The following CLUAP1 variants were observed in gnomAD, a reference collection of about 807,000 sequenced individuals.
CLUAP1 encodes clusterin-associated protein 1.
Under a neutral mutation model 55.0 loss-of-function variants are expected in CLUAP1, and 50 were observed. That is an observed-to-expected ratio of 0.91 (90% CI 0.72 to 1.15). The LOEUF is 1.15. CLUAP1 is among the 50% of genes most tolerant of loss of function. The probability of loss-of-function intolerance (pLI) is 0.00; values close to 1 mark genes in which losing one functional copy is unlikely to be tolerated. For missense variants in CLUAP1, 530 were observed against 507.6 expected (o/e 1.04, Z -0.42); for synonymous variants, 195 against 175.4 (o/e 1.11, Z -0.88).
chr16:3,526,401 C>G lies in CLUAP1; in HGVS notation c.856-11C>G, dbSNP rs745695530. 1 of 1,585,894 alleles carries G rather than the reference C, an allele frequency of 6.3e-7. No individual in the cohort carries two copies. The highest frequency in any genetic ancestry group is 2.3e-5 in the East Asian group (1 of 43,580). On this transcript the variant is annotated splice_polypyrimidine_tract_variant and intron_variant, in intron 8 of 11. Transcript: ENST00000576634. ...GCCATCTCTCCTGAGTCTGTATTTC[C>G]TCTTCCACAGGAAGCTAAAAACACT...
upstream of CLUAP1, chr16:3,500,940 T>C (rs927680149): frequency 1.5e-5 from 16 of 1,034,074 alleles, no homozygotes; most frequent in Non-Finnish European, 1.7e-5. Flanking sequence ...TTCGCTTCGC[T>C]TTTTGTTTGT....
intron 11 of CLUAP1, chr16:3,533,231 A>G: frequency 2.6e-6 from 3 of 1,153,746 alleles, no homozygotes; most frequent in African/African-American, 1.5e-5. Flanking sequence ...GCCTCTCCCT[A>G]GGAGTGATGC....
intron 4 of CLUAP1, 82 bp from the exon 5 acceptor site, chr16:3,512,301 G>A: frequency 1.9e-6 from 2 of 1,052,394 alleles, no homozygotes; most frequent in East Asian, 4.8e-5. Context: ...TTAGAGAGCA[G>A]CCTGGGTAAC....
chr16:3,509,214 G>A (rs1037651963), intron 4 of CLUAP1, among the ~76,000 whole-genome samples: 1 of 152,148 alleles, frequency 6.6e-6, no homozygotes, highest in Non-Finnish European at 1.5e-5. Flanking sequence ...ATGGCACTGC[G>A]CTCCCGCCTA....
At chr16:3,531,720 C>G (rs184104607) in intron 10 of CLUAP1, among the ~76,000 whole-genome samples, 1 of 152,222 alleles carries the variant, frequency 6.6e-6, no homozygotes, top group Non-Finnish European at 1.5e-5. Flanking sequence ...ACAAAGATCA[C>G]CTGAAAAAAA....
At chr16:3,498,505 A>G (rs1280616262), upstream of CLUAP1, among the ~76,000 whole-genome samples, 1 of 152,134 alleles carries the variant, frequency 6.6e-6, no homozygotes, top group African/African-American at 2.4e-5. Flanking sequence ...TGGAAAAGCA[A>G]ATCTTCAGAA....
chr16:3,536,192 G>A lies in CLUAP1; in HGVS notation c.1163G>A (p.Ser388Asn), dbSNP rs578075720. The A allele has an allele frequency of 1.9e-6, 3 of 1,614,148 alleles. No homozygotes were observed. The highest frequency in any genetic ancestry group is 2.5e-6 in the Non-Finnish European group (3 of 1,180,030). ...GAGGATGACGATTTGGAAGACGAGAGCATTTCTCTCTCACCAACCAAGCCC... is the reference window on the plus strand; with the variant it reads ...GAGGATGACGATTTGGAAGACGAGAACATTTCTCTCTCACCAACCAAGCCC... ...DDEDDDLEDE[S>N]ISLSPTKPNR... is the part of the protein sequence containing the mutation. The change falls in exon 12 of 12, where the codon AGC (serine) becomes AAC (asparagine). Residue 388 changes from serine to asparagine, a missense_variant. Ser to Asn is a conservative substitution (Grantham distance 46). Transcript: ENST00000576634.
intron 10 of CLUAP1, among the ~76,000 whole-genome samples, chr16:3,532,395 C>T (rs1432061204): frequency 7.2e-6 from 1 of 139,616 alleles, no homozygotes; most frequent in Non-Finnish European, 1.5e-5. Flanking sequence ...ATGTTTGGAG[C>T]ACAGTTGCTT....
chr16:3,507,649 A>C (rs2151044124), intron 3 of CLUAP1, among the ~76,000 whole-genome samples: 1 of 150,866 alleles, frequency 6.6e-6, no homozygotes, highest in South Asian at 2.1e-4. Context: ...TTCCATTCCA[A>C]ATAACCACTA....
chr16:3,520,991 CT>C (rs1308702160), intron 7 of CLUAP1, among the ~76,000 whole-genome samples: 2 of 151,960 alleles, frequency 1.3e-5, no homozygotes. Context: ...GATGTTTTGC[CT>C]TTTTGGATGT....
intron 1 of CLUAP1, among the ~76,000 whole-genome samples, chr16:3,502,442 TAAA>T (rs74268721): frequency 3.1e-5 from 4 of 129,946 alleles, no homozygotes; most frequent in African/African-American, 2.8e-5. Flanking sequence ...AGACTGTCTT[TAAA>T]AAAAAAAAAA....
At chr16:3,504,649 G>A (rs2037467677) in intron 1 of CLUAP1, 71 bp from the exon 2 acceptor site, 1 of 882,274 alleles carries the variant, frequency 1.1e-6, no homozygotes, top group Admixed American at 1.8e-5. Flanking sequence ...GAAAAGTAAA[G>A]ACAATATCTA....
chr16:3,528,941 T>A (rs2038001782), intron 9 of CLUAP1, among the ~76,000 whole-genome samples: 1 of 152,146 alleles, frequency 6.6e-6, no homozygotes, highest in Non-Finnish European at 1.5e-5. Context: ...TGCATTAATG[T>A]CTTAGTCTGT....
chr16:3,496,170 T>C (rs967105686), upstream of CLUAP1: 3 of 495,852 alleles, frequency 6.1e-6, no homozygotes, highest in Non-Finnish European at 1.2e-5. Context: ...ACATTCATCT[T>C]TCCGGACCTG....
chr16:3,506,513 C>T (rs946678302), intron 3 of CLUAP1, 98 bp downstream of exon 3: 10 of 1,003,594 alleles, frequency 1.0e-5, no homozygotes, highest in Non-Finnish European at 1.6e-5. Context: ...TTGAGTTTTT[C>T]TTTCTTTTTT....
chr16:3,511,803 A>T (rs968256221), intron 4 of CLUAP1, among the ~76,000 whole-genome samples: 1 of 152,214 alleles, frequency 6.6e-6, no homozygotes, highest in African/African-American at 2.4e-5. Flanking sequence ...GCCTGTGAGC[A>T]TGTAACTGGG....
rs201544042 is a variant in CLUAP1, at chr16:3,512,483, G to C, written c.495+5G>C. 8 of 1,603,674 alleles carry C rather than the reference G, an allele frequency of 5.0e-6. No homozygotes were observed. Among genetic ancestry groups the C allele is most frequent in the Non-Finnish European group, 6.0e-6 (7 of 1,170,492 alleles). ...GGCATGGAAGTAGAGTTGAGGGTAA[G>C]CATTCCAGTACTTCCTTAACCATGC... On this transcript the variant is annotated splice_donor_5th_base_variant and intron_variant, in intron 5 of 11. Coordinates refer to ENST00000576634, the MANE Select transcript of CLUAP1 (RefSeq NM_015041.3).
At chr16:3,503,773 C>G (rs1165028680) in intron 1 of CLUAP1, among the ~76,000 whole-genome samples, 1 of 152,198 alleles carries the variant, frequency 6.6e-6, no homozygotes, top group East Asian at 1.9e-4. Context: ...TTTTTAATCT[C>G]TGTATTCACA....
At chr16:3,520,636 A>C (rs1386403647) in intron 7 of CLUAP1, among the ~76,000 whole-genome samples, 1 of 152,180 alleles carries the variant, frequency 6.6e-6, no homozygotes, top group Non-Finnish European at 1.5e-5. Context: ...AGAGTAAGTG[A>C]ATCCAGACGG....
Sources: allele counts gnomAD v4.1 joint callset (sites outside exome capture counted in the v4.1 genomes callset), GRCh38; gene constraint gnomAD v4.1.1; transcripts MANE v1.5; gene names NCBI Gene and HGNC (gene_info 2026-07-23, HGNC 2026-07-21).